Variants in PAMR1 observed in about 807,000 individuals in gnomAD.
PAMR1 encodes the protein peptidase domain containing associated with muscle regeneration 1.
PAMR1 carries 88 observed loss-of-function variants against 81.8 expected under a neutral mutation model. That is an observed-to-expected ratio of 1.08 (90% CI 0.91 to 1.28). The LOEUF is 1.28. PAMR1 is among the 50% of genes most tolerant of loss of function. The pLI is 0.00. For missense variants in PAMR1, 935 were observed against 919.7 expected (o/e 1.02, Z -0.21); for synonymous variants, 336 against 345.3 (o/e 0.97, Z 0.30).
chr11:35,522,764 T>C (rs190802001), intron 1 of PAMR1, among the ~76,000 whole-genome samples: 85 of 152,366 alleles, frequency 5.6e-4, no homozygotes, highest in African/African-American at 2.0e-3. Flanking sequence ...GAACCATACT[T>C]GTATATCCTT....
chr11:35,478,491 G>C (rs1850322527), intron 3 of PAMR1, among the ~76,000 whole-genome samples: 1 of 152,144 alleles, frequency 6.6e-6, no homozygotes, highest in Admixed American at 6.5e-5. Flanking sequence ...AGAGACAAAG[G>C]GGCCACTTCT....
Position 35,432,479 on chromosome 11 carries a change from C to T in PAMR1, c.2040G>A (p.Glu680=). The T allele has an allele frequency of 1.9e-6, 3 of 1,614,232 alleles. No homozygotes were observed. Among genetic ancestry groups the T allele is most frequent in the Non-Finnish European group, 1.7e-6 (2 of 1,180,048 alleles). Residue 680 remains glutamate, a synonymous_variant, in exon 11 of 11, where the codon GAG becomes GAA. Transcript: ENST00000619888. ...CCAGTCCCATCAGATGCCAGCGTGG[C>T]TCAGGAGATGCTCGTCCCGGGAAGG... is the stretch of plus-strand genomic sequence containing the variant. ...AVSFPGRASP[E]PRWHLMGLVS...
chr11:35,446,455 A>AT (rs1856294503), intron 6 of PAMR1, among the ~76,000 whole-genome samples: 1 of 152,016 alleles, frequency 6.6e-6, no homozygotes, highest in Non-Finnish European at 1.5e-5. Flanking sequence ...ATCTGTGTAG[A>AT]TTTTTGATGT....
intron 2 of PAMR1, among the ~76,000 whole-genome samples, chr11:35,493,520 C>T (rs1420777190): frequency 1.3e-5 from 2 of 152,184 alleles, no homozygotes; most frequent in African/African-American, 2.4e-5. Context: ...TCTCCCAAAA[C>T]CCATGCTTCC....
upstream of PAMR1, among the ~76,000 whole-genome samples, chr11:35,527,569 A>G (rs1851412652): frequency 6.6e-6 from 1 of 152,194 alleles, no homozygotes; most frequent in Non-Finnish European, 1.5e-5. Context: ...GGTAGAGGGC[A>G]GAGGTTCGAA....
Position 35,432,278 on chromosome 11 carries a change from G to T in PAMR1, c.*78C>A. The stretch of plus-strand genomic sequence containing the variant: ...AGTTCACAGGCCAAATCACACTTCA[G>T]GCCCACACTGCTTCACGCAATGACA... On this transcript the variant is annotated 3_prime_UTR_variant, in exon 11 of 11. Coordinates refer to ENST00000619888, the MANE Select transcript of PAMR1 (RefSeq NM_001001991.3). 1 of 1,374,726 alleles carries T rather than the reference G, an allele frequency of 7.3e-7. No individual in the cohort carries two copies. Among genetic ancestry groups the T allele is most frequent in the African/African-American group, 1.4e-5 (1 of 70,540 alleles). The allele number at this position is 1,374,726 out of a possible 1,614,324, so 85.2% of individuals were successfully genotyped here.
chr11:35,519,528 C>T (rs150800347), intron 1 of PAMR1, among the ~76,000 whole-genome samples: 43 of 152,284 alleles, frequency 2.8e-4, no homozygotes, highest in African/African-American at 1.0e-3. Context: ...AAATTCTCAC[C>T]TCTCATGTCT....
intron 6 of PAMR1, chr11:35,453,503 T>C (rs1856464643): frequency 6.6e-6 from 1 of 151,752 alleles, no homozygotes; most frequent in Admixed American, 6.6e-5. Context: ...TTATTTTCTG[T>C]ACTTCCCAAA....
intron 3 of PAMR1, among the ~76,000 whole-genome samples, chr11:35,483,051 T>A (rs1259105631): frequency 1.3e-5 from 2 of 152,154 alleles, no homozygotes; most frequent in Non-Finnish European, 2.9e-5. Flanking sequence ...TCTTATTTCC[T>A]TGCTTGTTCA....
Position 35,452,605 on chromosome 11 carries a change from A to T in PAMR1, c.821-10912T>A, listed in dbSNP as rs572118774. ...ACAGTTATTATCTCTGGCTTATAACATTAAAAATAAATTTTGCTTCTTTAT... is the reference window on the plus strand; with the variant it reads ...ACAGTTATTATCTCTGGCTTATAACTTTAAAAATAAATTTTGCTTCTTTAT... On this transcript the variant is annotated intron_variant, in intron 6 of 10. Transcript: ENST00000619888. Among the ~76,000 whole-genome samples, 5 of 152,330 alleles carry T rather than the reference A, an allele frequency of 3.3e-5. No individual in the cohort carries two copies. The South Asian group carries it at 1.0e-3, about 32-fold the overall frequency.
chr11:35,511,936 CT>C (rs896515957), intron 1 of PAMR1, among the ~76,000 whole-genome samples: 2 of 152,184 alleles, frequency 1.3e-5, no homozygotes, highest in African/African-American at 4.8e-5. Flanking sequence ...ATCCCTCCCC[CT>C]GAGCTTTTGA....
chr11:35,435,804 G>A, intron 9 of PAMR1, 99 bp downstream of exon 9: 1 of 835,902 alleles, frequency 1.2e-6, no homozygotes, highest in Non-Finnish European at 2.0e-6. Context: ...ACTAGAGAAA[G>A]CACTGGAGAT....
At chr11:35,458,771 C>T (rs1435384874) in intron 6 of PAMR1, among the ~76,000 whole-genome samples, 1 of 152,236 alleles carries the variant, frequency 6.6e-6, no homozygotes, top group Non-Finnish European at 1.5e-5. Context: ...TTAACTTTCT[C>T]ATCAGGGCAT....
At chr11:35,508,230 A>G (rs1590390333) in intron 1 of PAMR1, among the ~76,000 whole-genome samples, 1 of 152,144 alleles carries the variant, frequency 6.6e-6, no homozygotes, top group African/African-American at 2.4e-5. Context: ...CCACCTCAAT[A>G]TCAGTTTTTC....
At chr11:35,519,613 C>T (rs1032364501) in intron 1 of PAMR1, among the ~76,000 whole-genome samples, 6 of 152,162 alleles carry the variant, frequency 3.9e-5, no homozygotes, top group African/African-American at 1.2e-4. Flanking sequence ...CCTGGCACCC[C>T]TGTTTCCTCT....
Position 35,470,607 on chromosome 11 carries a change from T to C in PAMR1, c.706A>G (p.Ile236Val), listed in dbSNP as rs781310282. The C allele has an allele frequency of 8.7e-6, 14 of 1,613,532 alleles. No homozygotes were observed. Among genetic ancestry groups the C allele is most frequent in the Non-Finnish European group, 1.1e-5 (13 of 1,179,582 alleles). The change falls in exon 5 of 11, where the codon ATC becomes GTC. Residue 236 changes from isoleucine (I) to valine (V), a missense_variant. Coordinates refer to ENST00000619888, the MANE Select transcript of PAMR1 (RefSeq NM_001001991.3). The part of the protein sequence containing the change: ...FDGFHAIYEE[I>V]TACSSSPCFH... ...TTGTCTCCTTGGCCTTTACCTGTGATCTCCTCATAAATGGCATGGAAACCG... is the reference window on the plus strand; with the variant it reads ...TTGTCTCCTTGGCCTTTACCTGTGACCTCCTCATAAATGGCATGGAAACCG...
chr11:35,465,566 C>T (rs1370292583), intron 6 of PAMR1, among the ~76,000 whole-genome samples: 10 of 152,160 alleles, frequency 6.6e-5, no homozygotes, highest in African/African-American at 1.2e-4. Flanking sequence ...TTTTTTGTGA[C>T]GTGTCCCCCA....
intron 8 of PAMR1, among the ~76,000 whole-genome samples, chr11:35,437,550 T>A (rs1856077919): frequency 1.3e-5 from 2 of 152,248 alleles, no homozygotes; most frequent in Admixed American, 1.3e-4. Context: ...CCCTTGGCTA[T>A]GGAAGGTCTA....
chr11:35,441,806 C>T (rs1270681836), intron 6 of PAMR1, 113 bp from the exon 7 acceptor site: 1 of 634,584 alleles, frequency 1.6e-6, no homozygotes, highest in Non-Finnish European at 2.6e-6. Flanking sequence ...GGATCTGGTG[C>T]TCAAAAGAAT....
Sources: allele counts gnomAD v4.1 joint callset (sites outside exome capture counted in the v4.1 genomes callset), GRCh38; gene constraint gnomAD v4.1.1; transcripts MANE v1.5; gene names NCBI Gene and HGNC (gene_info 2026-07-23, HGNC 2026-07-21).